Variants in LRRC72 observed in about 807,000 individuals in gnomAD.
The protein encoded by LRRC72 is leucine rich repeat containing 72.
A neutral mutation model predicts 35.8 loss-of-function variants in LRRC72; 41 were observed. The observed-to-expected ratio is 1.15, with a 90% CI of 0.89 to 1.49. The LOEUF (loss-of-function observed/expected upper bound fraction) is 1.49. Among genes scored for constraint, LRRC72 ranks in the 40% most tolerant of loss-of-function variants. The pLI is 0.00. For missense variants in LRRC72, 389 were observed against 330.7 expected (o/e 1.18, Z -1.37); for synonymous variants, 118 against 119.2 (o/e 0.99, Z 0.07).
At chr7:16,577,186 A>T (rs980152390) in intron 7 of LRRC72, among the ~76,000 whole-genome samples, 1 of 152,208 alleles carries the variant, frequency 6.6e-6, no homozygotes, top group Non-Finnish European at 1.5e-5. Context: ...AGGGCTGAGC[A>T]ACTGAGGGAG....
chr7:16,541,984 GGTC>G (rs888488788), intron 3 of LRRC72, among the ~76,000 whole-genome samples: 1 of 151,508 alleles, frequency 6.6e-6, no homozygotes, highest in African/African-American at 2.4e-5. Flanking sequence ...ACTTGTCCTC[GGTC>G]ACAGTGCGCG....
At chr7:16,535,235 G>C (rs149013710) in intron 2 of LRRC72, among the ~76,000 whole-genome samples, 1 of 152,258 alleles carries the variant, frequency 6.6e-6, no homozygotes, top group Non-Finnish European at 1.5e-5. Context: ...ATACTTAGTT[G>C]TGCCAGGGAA....
chr7:16,547,374 A>G lies in LRRC72; in HGVS notation c.234+9678A>G, dbSNP rs115206461. On this transcript the variant is annotated intron_variant, in intron 3 of 8. Transcript: ENST00000401542. Reference sequence around the variant, plus strand: ...AGGTGGTGCCATGCTCCACGGAGATAGCAGGAGCTCCCCAGGCACAACTAC... The same window carrying G: ...AGGTGGTGCCATGCTCCACGGAGATGGCAGGAGCTCCCCAGGCACAACTAC... 2.5e-3 allele frequency among the ~76,000 whole-genome samples: 383 copies of G among 152,190 alleles called. 2 individuals carry two copies. Among genetic ancestry groups the G allele is most frequent in the African/African-American group, 8.8e-3 (366 of 41,540 alleles).
At chr7:16,581,236 C>A in intron 8 of LRRC72, 88 bp from the exon 9 acceptor site, 2 of 1,158,732 alleles carry the variant, frequency 1.7e-6, no homozygotes, top group South Asian at 2.0e-5. Context: ...AAAAACATGG[C>A]ATTGATTCAT....
At chr7:16,563,244 C>CA (rs984842938) in intron 5 of LRRC72, among the ~76,000 whole-genome samples, 53 of 151,238 alleles carry the variant, frequency 3.5e-4, no homozygotes, top group Admixed American at 2.4e-3. Flanking sequence ...TAAAAGTTTA[C>CA]AAAAAAATAA....
intron 3 of LRRC72, 69 bp downstream of exon 3, chr7:16,537,765 G>C: frequency 1.1e-6 from 1 of 909,782 alleles, no homozygotes; most frequent in South Asian, 1.8e-5. Flanking sequence ...TCCTAATAGA[G>C]CTAATCTTTA....
intron 3 of LRRC72, among the ~76,000 whole-genome samples, chr7:16,544,977 T>G (rs1782421578): frequency 6.6e-6 from 1 of 152,188 alleles, no homozygotes; most frequent in South Asian, 2.1e-4. Flanking sequence ...AATTGAGATA[T>G]TTATAATAAC....
At chr7:16,552,845 A>G (rs1782578059) in intron 3 of LRRC72, among the ~76,000 whole-genome samples, 1 of 152,194 alleles carries the variant, frequency 6.6e-6, no homozygotes, top group Middle Eastern at 3.2e-3. Flanking sequence ...GAACGTTAGT[A>G]AAGTGCAGTG....
At chr7:16,537,762 A>G in intron 3 of LRRC72, 66 bp downstream of exon 3, 1 of 923,840 alleles carries the variant, frequency 1.1e-6, no homozygotes, top group Non-Finnish European at 1.6e-6. Flanking sequence ...TATTCCTAAT[A>G]GAGCTAATCT....
intron 7 of LRRC72, among the ~76,000 whole-genome samples, chr7:16,569,600 G>T (rs1782907439): frequency 6.6e-6 from 1 of 152,062 alleles, no homozygotes; most frequent in African/African-American, 2.4e-5. Context: ...CCTAAAAAAA[G>T]ACATCAGAGA....
At chr7:16,537,566 C>T (rs1444086241) in intron 2 of LRRC72, 61 bp from the exon 3 acceptor site, 5 of 1,041,774 alleles carry the variant, frequency 4.8e-6, no homozygotes, top group Non-Finnish European at 7.0e-6. Flanking sequence ...AACTACATGC[C>T]CAGACTTACC....
At chr7:16,540,849 T>C (rs1034807039) in intron 3 of LRRC72, among the ~76,000 whole-genome samples, 3 of 152,184 alleles carry the variant, frequency 2.0e-5, no homozygotes, top group South Asian at 4.1e-4. Flanking sequence ...CATGTGGAAC[T>C]GTGAGTTAAT....
intron 1 of LRRC72, among the ~76,000 whole-genome samples, chr7:16,531,403 T>A (rs10259803): frequency 0.75 from 114,091 of 151,966 alleles, 43,389 homozygotes; most frequent in East Asian, 1. Flanking sequence ...GGACTATACA[T>A]TTGCAGCTGC....
intron 3 of LRRC72, among the ~76,000 whole-genome samples, chr7:16,541,061 G>A (rs990620684): frequency 1.3e-5 from 2 of 152,110 alleles, no homozygotes; most frequent in Non-Finnish European, 2.9e-5. Context: ...GGGTTAAGGA[G>A]GCAGTGTTCT....
intron 1 of LRRC72, among the ~76,000 whole-genome samples, chr7:16,527,698 TG>T (rs978793792): frequency 1.3e-5 from 2 of 152,058 alleles, no homozygotes; most frequent in African/African-American, 2.4e-5. Context: ...TCTGCAAAGA[TG>T]GGGGGCTGCT....
chr7:16,531,415 C>T (rs1583633603), intron 1 of LRRC72, among the ~76,000 whole-genome samples: 1 of 152,256 alleles, frequency 6.6e-6, no homozygotes, highest in South Asian at 2.1e-4. Flanking sequence ...TGCAGCTGCT[C>T]TCCATCACTA....
chr7:16,540,666 G>A (rs1428794756), intron 3 of LRRC72, among the ~76,000 whole-genome samples: 7 of 152,112 alleles, frequency 4.6e-5, no homozygotes, highest in Admixed American at 4.6e-4. Flanking sequence ...GGATCATGGG[G>A]GCAGTTTCCC....
At chr7:16,572,228 C>G (rs1026021840) in intron 7 of LRRC72, among the ~76,000 whole-genome samples, 1 of 152,196 alleles carries the variant, frequency 6.6e-6, no homozygotes, top group African/African-American at 2.4e-5. Context: ...ACCAGAGGTA[C>G]AAAGAGGAGC....
intron 3 of LRRC72, among the ~76,000 whole-genome samples, chr7:16,550,060 AT>A (rs1420313396): frequency 6.6e-6 from 1 of 151,898 alleles, no homozygotes; most frequent in Non-Finnish European, 1.5e-5. Flanking sequence ...CTCTATGAAA[AT>A]TTTTTAAATT....
Sources: gnomAD v4.1 joint callset for allele counts (sites outside exome capture counted in the v4.1 genomes callset) on GRCh38, gnomAD v4.1.1 for gene constraint, MANE v1.5 for transcripts, NCBI Gene and HGNC (gene_info 2026-07-23, HGNC 2026-07-21) for gene names.